Variants in PTGIR observed in about 807,000 individuals in gnomAD.
The protein encoded by PTGIR is prostacyclin receptor.
PTGIR carries 16 observed loss-of-function variants against 17.6 expected under a neutral mutation model. The ratio of observed to expected loss-of-function variants is 0.91; its 90% CI spans 0.61 to 1.38. The LOEUF is 1.38. PTGIR is among the 40% of genes most tolerant of loss of function. The pLI, the probability that PTGIR is intolerant of heterozygous loss-of-function variation, is 0.00. For synonymous variants in PTGIR, 274 were observed against 255.4 expected (o/e 1.07, Z -0.69); for missense variants, 532 against 548.6 (o/e 0.97, Z 0.30).
Position 46,620,907 on chromosome 19 carries a change from A to G in PTGIR, c.*373T>C. On this transcript the variant is annotated 3_prime_UTR_variant, in exon 3 of 3. Coordinates refer to ENST00000291294, the MANE Select transcript of PTGIR (RefSeq NM_000960.4). ...CTTGGGGTGGGCAGTTGGGCCTCCT[A>G]AGTGGACGCAGATTGGAGCCAGCAC... 1 of 999,412 alleles carries G rather than the reference A, an allele frequency of 1.0e-6. No individual in the cohort carries two copies. The highest frequency in any genetic ancestry group is 1.7e-5 in the African/African-American group (1 of 57,922). 61.9% of individuals were successfully genotyped at this position (999,412 alleles called of 1,614,324 possible).
At chr19:46,622,533 G>C (rs2052742716) in intron 2 of PTGIR, among the ~76,000 whole-genome samples, 1 of 151,770 alleles carries the variant, frequency 6.6e-6, no homozygotes, top group African/African-American at 2.4e-5. Context: ...ATGAGTGGTG[G>C]TCTTGTCATT....
downstream of PTGIR, among the ~76,000 whole-genome samples, chr19:46,616,919 G>C (rs1971970976): frequency 6.6e-6 from 1 of 152,268 alleles, no homozygotes; most frequent in Admixed American, 6.5e-5. Flanking sequence ...TGCCATGGCA[G>C]GCTGTGGCCA....
the PTGIR span, among the ~76,000 whole-genome samples, chr19:46,612,733 G>A: frequency 6.6e-6 from 1 of 152,146 alleles, no homozygotes; most frequent in Non-Finnish European, 1.5e-5. Context: ...GGTCTGAAAT[G>A]GGAGCTGCCC....
Position 46,623,965 on chromosome 19 carries a change from G to A in PTGIR, c.261C>T (p.Gly87=), listed in dbSNP as rs200330439. The change falls in exon 2 of 3, where the codon GGC becomes GGT. Residue 87 remains glycine (G), a synonymous_variant. Transcript: ENST00000291294. ...RNSSLLGLAR[G]GPALCDAFAF... The stretch of plus-strand genomic sequence containing the variant: ...CGAAGGCATCGCACAGGGCGGGGCC[G>A]CCTCGGGCCAGGCCCAGCAGGGAGC... 3 of 1,577,470 alleles carry A rather than the reference G, an allele frequency of 1.9e-6. No individual in the cohort carries two copies. The highest frequency in any genetic ancestry group is 1.1e-5 in the South Asian group (1 of 87,170).
Position 46,621,162 on chromosome 19 carries a change from A to G in PTGIR, c.*118T>C. ...CCTGCCGCAGGAGAAACAGCAGCTG[A>G]TCGGCCCCAGAGTTTGGGGGCCAAG... On this transcript the variant is annotated 3_prime_UTR_variant, in exon 3 of 3. Transcript: ENST00000291294. This position sits in a 1 kb window ranked among gnomAD's most constrained non-coding sequence, Gnocchi z 4.8. The G allele has an allele frequency of 7.2e-7, 1 of 1,396,198 alleles. No individual in the cohort carries two copies. The highest frequency in any genetic ancestry group is 9.3e-7 in the Non-Finnish European group (1 of 1,071,374). 86.5% of individuals were successfully genotyped at this position (1,396,198 alleles called of 1,614,324 possible).
At chr19:46,610,962 A>G in the PTGIR span, among the ~76,000 whole-genome samples, 1 of 152,152 alleles carries the variant, frequency 6.6e-6, no homozygotes, top group Admixed American at 6.5e-5. Flanking sequence ...TTCTGATCCC[A>G]GCTAGATCGC....
chr19:46,614,225 C>T, the PTGIR span, among the ~76,000 whole-genome samples: 6 of 152,158 alleles, frequency 3.9e-5, no homozygotes, highest in South Asian at 2.1e-4. Flanking sequence ...CTGGGATCCT[C>T]GGGCTCCCAA....
the PTGIR span, among the ~76,000 whole-genome samples, chr19:46,615,031 CAA>C: frequency 1.9e-4 from 28 of 151,020 alleles, no homozygotes; most frequent in African/African-American, 6.8e-4. Flanking sequence ...CCCACCCCCC[CAA>C]AAAAAATTAG....
intron 2 of PTGIR, chr19:46,622,220 G>T: frequency 1.0e-6 from 1 of 985,418 alleles, no homozygotes; most frequent in Non-Finnish European, 1.2e-6. Flanking sequence ...ATTGGGGAGG[G>T]GCAGGACGGG....
At chr19:46,613,629 G>A in the PTGIR span, among the ~76,000 whole-genome samples, 1 of 152,122 alleles carries the variant, frequency 6.6e-6, no homozygotes. Context: ...ACCGCGCCCG[G>A]CCGTGCCAAA....
the PTGIR span, among the ~76,000 whole-genome samples, chr19:46,611,299 G>A: frequency 1.3e-5 from 2 of 152,226 alleles, no homozygotes; most frequent in Non-Finnish European, 2.9e-5. Context: ...GAGCCCAGCC[G>A]GGTGAAGAGA....
chr19:46,618,422 T>A (rs1017478608), downstream of PTGIR, among the ~76,000 whole-genome samples: 21 of 152,134 alleles, frequency 1.4e-4, 1 homozygote, highest in Admixed American at 7.9e-4. Context: ...AGTGTTGGGA[T>A]TACAGGTGTT....
At chr19:46,617,940 G>A (rs1971985613), downstream of PTGIR, among the ~76,000 whole-genome samples, 1 of 150,894 alleles carries the variant, frequency 6.6e-6, no homozygotes, top group African/African-American at 2.4e-5. Flanking sequence ...CCAGGTTCAA[G>A]CAATTCTCGT....
At chr19:46,620,364 A>C (rs1384150275), downstream of PTGIR, 1 of 919,230 alleles carries the variant, frequency 1.1e-6, no homozygotes, top group Non-Finnish European at 1.3e-6. Flanking sequence ...AACCTCCCAA[A>C]GTGCTGGGAT....
At chr19:46,612,165 G>A in the PTGIR span, among the ~76,000 whole-genome samples, 1 of 152,252 alleles carries the variant, frequency 6.6e-6, no homozygotes, top group African/African-American at 2.4e-5. Flanking sequence ...GTAGAGTATA[G>A]TGGATAACTT....
the PTGIR span, among the ~76,000 whole-genome samples, chr19:46,612,526 G>A: frequency 1.3e-5 from 2 of 152,204 alleles, no homozygotes; most frequent in Non-Finnish European, 2.9e-5. Context: ...GAGGCCCAGA[G>A]AAGTGAAGTC....
chr19:46,616,167 G>GCT (rs1364836023), downstream of PTGIR, among the ~76,000 whole-genome samples: 1 of 151,932 alleles, frequency 6.6e-6, no homozygotes, highest in Non-Finnish European at 1.5e-5. Context: ...TAGGGCCAAG[G>GCT]CTATGTCAGT....
downstream of PTGIR, among the ~76,000 whole-genome samples, chr19:46,620,214 C>G (rs925442307): frequency 1.7e-4 from 26 of 152,178 alleles, no homozygotes; most frequent in African/African-American, 5.3e-4. Context: ...ATCCTCTTGT[C>G]TCAGCCTTCC....
chr19:46,622,160 C>T lies in PTGIR; in HGVS notation c.769-488G>A, dbSNP rs1029090982. 1.3e-5 allele frequency: 13 copies of T among 985,288 alleles called. No homozygotes were observed. In the Admixed American group the frequency reaches 1.8e-4, roughly 14 times the overall value. 61.0% of individuals were successfully genotyped at this position (985,288 alleles called of 1,614,324 possible). A position where few individuals can be genotyped will look rare whatever the true frequency, so the allele number is the denominator to read the frequency against. On this transcript the variant is annotated intron_variant, in intron 2 of 2. Coordinates refer to ENST00000291294, the MANE Select transcript of PTGIR (RefSeq NM_000960.4). ...ACTGAAGCTCAGAAGAAAGGTGGCA[C>T]GACCAGGTGTCACAGACACTGAGTG...
Sources: allele counts gnomAD v4.1 joint callset (sites outside exome capture counted in the v4.1 genomes callset), GRCh38; gene constraint gnomAD v4.1.1; non-coding constraint Gnocchi (gnomAD v3.1); transcripts MANE v1.5; gene names NCBI Gene and HGNC (gene_info 2026-07-23, HGNC 2026-07-21).